MTERF4: variants seen among roughly 807,000 people sequenced by gnomAD.
MTERF4 encodes the protein mitochondrial transcription termination factor 4.
In MTERF4, 17 loss-of-function variants were observed where a neutral mutation model predicts 22.5. The observed-to-expected ratio is 0.75, with a 90% CI of 0.52 to 1.13. The LOEUF (loss-of-function observed/expected upper bound fraction) is 1.13. Ranked by LOEUF, MTERF4 falls within the 50% of genes most tolerant of loss-of-function variation. The probability of loss-of-function intolerance (pLI) is 0.00; values close to 1 mark genes in which losing one functional copy is unlikely to be tolerated. For missense variants in MTERF4, 420 were observed against 466.8 expected, an observed-to-expected ratio of 0.90 and a Z score of 0.92; for synonymous variants, 165 against 175.3, an observed-to-expected ratio of 0.94 and a Z score of 0.47.
chr2:241,068,143 G>A (rs1287721711), downstream of MTERF4, among the ~76,000 whole-genome samples: 1 of 152,162 alleles, frequency 6.6e-6, no homozygotes, highest in Non-Finnish European at 1.5e-5. The surrounding 1 kb of genome is among the most constrained non-coding windows in gnomAD (Gnocchi z 5.3). Context: ...CCTCATCAGG[G>A]CTGCCAAGAG....
chr2:241,057,380 A>AAAAAAAAAATATATATATAT, the MTERF4 span, among the ~76,000 whole-genome samples: 7 of 118,132 alleles, frequency 5.9e-5, no homozygotes, highest in African/African-American at 2.7e-4. Context: ...TCCATCTCAA[A>AAAAAAAAAATATATATATAT]ATATATATAT....
the MTERF4 span, among the ~76,000 whole-genome samples, chr2:241,050,927 A>G: frequency 6.6e-6 from 1 of 152,300 alleles, no homozygotes. Context: ...CAGGAACTGC[A>G]CAGCCCTCCC....
downstream of MTERF4, chr2:241,088,991 G>A (rs62187373): frequency 0.081 from 22,552 of 277,458 alleles, 1,223 homozygotes; most frequent in East Asian, 0.23. Context: ...AAATCCTGAC[G>A]TGAAAGGAAC....
the MTERF4 span, among the ~76,000 whole-genome samples, chr2:241,044,565 T>TC: frequency 1.3e-5 from 2 of 151,976 alleles, no homozygotes; most frequent in Admixed American, 1.3e-4. Context: ...TGCTTTGGTA[T>TC]CCCCCCAGCC....
the MTERF4 span, chr2:241,053,105 G>A: frequency 3.4e-4 from 531 of 1,561,852 alleles, 1 homozygote; most frequent in African/African-American, 6.4e-3. Context: ...GGTGGGGAGG[G>A]GCCAGGAAGG....
At chr2:241,047,767 T>C in the MTERF4 span, among the ~76,000 whole-genome samples, 1 of 151,908 alleles carries the variant, frequency 6.6e-6, no homozygotes, top group Non-Finnish European at 1.5e-5. Context: ...TGCTTCTTGT[T>C]CTATCCAATC....
the MTERF4 span, chr2:241,052,234 A>G: frequency 2.0e-6 from 3 of 1,481,630 alleles, no homozygotes; most frequent in Admixed American, 5.1e-5. Context: ...GCCCATGGGC[A>G]GGGCTGGTCC....
chr2:241,058,671 C>T, the MTERF4 span, among the ~76,000 whole-genome samples: 1 of 152,138 alleles, frequency 6.6e-6, no homozygotes, highest in Non-Finnish European at 1.5e-5. Flanking sequence ...TAAAATTGGG[C>T]CGGGCGCGGT....
chr2:241,054,655 C>T, the MTERF4 span, among the ~76,000 whole-genome samples: 5 of 152,040 alleles, frequency 3.3e-5, no homozygotes, highest in Non-Finnish European at 4.4e-5. Context: ...AAAACAGGAT[C>T]GATAAATTAT....
Position 241,073,262 on chromosome 2 carries a change from C to G in MTERF4, n.2900G>C. On this transcript the variant is annotated non_coding_transcript_exon_variant, in exon 5 of 5. Coordinates refer to the MTERF4 transcript ENST00000464344. The surrounding 1 kb of genome is among the most constrained non-coding windows in gnomAD (Gnocchi z 6.6). ...CCGTGTGGTCACCGCCTGGCTTCTCCTAGAACCCACAGCCTCGGCGCAGCT... is the reference window on the plus strand; with the variant it reads ...CCGTGTGGTCACCGCCTGGCTTCTCGTAGAACCCACAGCCTCGGCGCAGCT... The G allele has an allele frequency of 6.4e-7, 1 of 1,553,916 alleles. No individual in the cohort carries two copies. The highest frequency in any genetic ancestry group is 8.7e-7 in the Non-Finnish European group (1 of 1,148,728).
At chr2:241,089,091 A>T (rs951518352), downstream of MTERF4, 18 of 475,106 alleles carry the variant, frequency 3.8e-5, no homozygotes, top group Admixed American at 1.2e-4. Context: ...CAAACTGCCG[A>T]ATCTTAAACA....
At chr2:241,080,376 G>A (rs536784611) in intron 4 of MTERF4, among the ~76,000 whole-genome samples, 1 of 152,310 alleles carries the variant, frequency 6.6e-6, no homozygotes, top group East Asian at 1.9e-4. Flanking sequence ...ATTTTTTAAA[G>A]AAGCCTAATT....
downstream of MTERF4, chr2:241,093,987 G>C (rs1218940142): frequency 9.2e-6 from 2 of 217,558 alleles, no homozygotes; most frequent in African/African-American, 4.7e-5. Flanking sequence ...ACCAAGTGCA[G>C]ACTGAGGATT....
At chr2:241,057,886 C>T in the MTERF4 span, among the ~76,000 whole-genome samples, 2 of 152,048 alleles carry the variant, frequency 1.3e-5, no homozygotes, top group Admixed American at 1.3e-4. Context: ...GGAGAGTTAT[C>T]AGATTTCATG....
At position 241,096,551 on chromosome 2, in the gene MTERF4, T is replaced by G. The variant is rs1428461740; in HGVS notation, c.706-113A>C. 1.7e-6 allele frequency: 2 copies of G among 1,178,074 alleles called. No homozygotes were observed. Among genetic ancestry groups the G allele is most frequent in the African/African-American group, 3.0e-5 (2 of 66,108 alleles). 73.0% of individuals were successfully genotyped at this position (1,178,074 alleles called of 1,614,324 possible). The stretch of plus-strand genomic sequence containing the variant: ...AAGGATTCAAAAAGAATTGCCTAAT[T>G]GACAACAGCGAATACCCAGTCTAGG... On this transcript the variant is annotated intron_variant, in intron 3 of 3. Transcript: ENST00000391980. The surrounding 1 kb of genome is among the most constrained non-coding windows in gnomAD (Gnocchi z 5.1).
rs2064461709 is a variant in MTERF4, at chr2:241,096,936, G to A, written c.705+307C>T. Reference sequence around the variant, plus strand: ...AGTCCCCACTTAGACTCTAAGAATAGGACTGGATCATTCATTATTAATGGC... The same window carrying A: ...AGTCCCCACTTAGACTCTAAGAATAAGACTGGATCATTCATTATTAATGGC... On this transcript the variant is annotated intron_variant, in intron 3 of 3. Coordinates refer to ENST00000391980, the MANE Select transcript of MTERF4 (RefSeq NM_182501.4). The surrounding 1 kb of genome is among the most constrained non-coding windows in gnomAD (Gnocchi z 5.1). The A allele has an allele frequency of 1.7e-6, 1 of 588,906 alleles. No homozygotes were observed. The highest frequency in any genetic ancestry group is 1.9e-5 in the African/African-American group (1 of 53,524). 36.5% of individuals were successfully genotyped at this position (588,906 alleles called of 1,614,324 possible).
chr2:241,081,015 G>A (rs1330506459), intron 4 of MTERF4, among the ~76,000 whole-genome samples: 1 of 152,236 alleles, frequency 6.6e-6, no homozygotes, highest in Non-Finnish European at 1.5e-5. Context: ...TGCAAGGCCC[G>A]TGGGGACTTT....
rs1405872136 is a variant in MTERF4 at position 241,075,025 on chromosome 2, T to C, written n.1137A>G. 6.6e-6 allele frequency: 1 copy of C among 152,246 alleles called. No homozygotes were observed. The highest frequency in any genetic ancestry group is 1.5e-5 in the Non-Finnish European group (1 of 68,044). The allele number at this position is 152,246 out of a possible 1,614,324, so 9.4% of individuals were successfully genotyped here. A position where few individuals can be genotyped will look rare whatever the true frequency, so the allele number is the denominator to read the frequency against. ...TAATTATCTTGCCATGTGTGATCGT[T>C]AGACCTGTGTTTTCACTCCGCATTC... On this transcript the variant is annotated non_coding_transcript_exon_variant, in exon 5 of 5. Coordinates refer to the MTERF4 transcript ENST00000464344. The surrounding 1 kb of genome is among the most constrained non-coding windows in gnomAD (Gnocchi z 4.8).
intron 4 of MTERF4, among the ~76,000 whole-genome samples, chr2:241,081,525 G>T (rs372576749): frequency 1.3e-5 from 2 of 152,218 alleles, no homozygotes; most frequent in Admixed American, 1.3e-4. Context: ...ACGCTCTAGG[G>T]CCCAGAGGCG....
Sources: allele counts gnomAD v4.1 joint callset (sites outside exome capture counted in the v4.1 genomes callset), GRCh38; gene constraint gnomAD v4.1.1; non-coding constraint Gnocchi (gnomAD v3.1); transcripts MANE v1.5; gene names NCBI Gene and HGNC (gene_info 2026-07-23, HGNC 2026-07-21).